FAAH2: variants seen among roughly 807,000 people sequenced by gnomAD.
The protein encoded by FAAH2 is fatty-acid amide hydrolase 2.
Under a neutral mutation model 36.9 loss-of-function variants are expected in FAAH2, and 60 were observed. The ratio of observed to expected loss-of-function variants is 1.63; its 90% CI spans 1.32 to 2.02. The LOEUF (loss-of-function observed/expected upper bound fraction) is 2.02. Among genes scored for constraint, FAAH2 ranks in the 30% most tolerant of loss-of-function variants. The probability of loss-of-function intolerance (pLI) is 0.00; values close to 1 mark genes in which losing one functional copy is unlikely to be tolerated. For synonymous variants in FAAH2, 214 were observed against 143.8 expected (o/e 1.49, Z -3.49); for missense variants, 689 against 397.5 (o/e 1.73, Z -6.23).
chrX:57,456,782 G>T (rs2147203608), intron 10 of FAAH2, among the ~76,000 whole-genome samples: 1 of 111,118 alleles, frequency 9.0e-6, no homozygotes, highest in South Asian at 3.8e-4. Context: ...AACAAGTTCA[G>T]AAATTGAATC....
chrX:57,257,244 T>C, the FAAH2 span, among the ~76,000 whole-genome samples: 1 of 112,265 alleles, frequency 8.9e-6, no homozygotes, highest in African/African-American at 3.2e-5. Context: ...CATGCACATG[T>C]ATTTTTATTG....
chrX:57,137,323 C>A, the FAAH2 span: 69 of 757,705 alleles, frequency 9.1e-5, no homozygotes, highest in East Asian at 1.5e-4. Context: ...CGCTGAGTGA[C>A]TGCTTGCAAG....
chrX:57,488,798 C>T lies in FAAH2; in HGVS notation c.1465C>T (p.Leu489=), dbSNP rs908323122. The T allele has an allele frequency of 5.0e-6, 6 of 1,211,203 alleles. No homozygotes were observed. The Admixed American group carries it at 8.7e-5, about 18-fold the overall frequency. ...GGGTTTGCCTGTGACCCAATGCCCACTGGGACTGAATGCCAAAGGACTCCC... is the reference window on the plus strand; with the variant it reads ...GGGTTTGCCTGTGACCCAATGCCCATTGGGACTGAATGCCAAAGGACTCCC... ...ALGLPVTQCP[L]GLNAKGLPLG... The change falls in exon 11 of 11, where the codon CTG becomes TTG. Residue 489 remains leucine (L), a synonymous_variant. Coordinates refer to ENST00000374900, the MANE Select transcript of FAAH2 (RefSeq NM_174912.4).
At chrX:57,122,719 C>A in the FAAH2 span, among the ~76,000 whole-genome samples, 3 of 111,999 alleles carry the variant, frequency 2.7e-5, no homozygotes, top group African/African-American at 9.7e-5. Flanking sequence ...TTAATGGTAT[C>A]TTTCTTATTC....
chrX:57,258,658 A>G, the FAAH2 span, among the ~76,000 whole-genome samples: 1 of 110,627 alleles, frequency 9.0e-6, no homozygotes, highest in South Asian at 3.8e-4. Flanking sequence ...CCATTCTTCC[A>G]CGGAAAACTT....
At chrX:57,400,144 C>A (rs1476085993) in intron 7 of FAAH2, among the ~76,000 whole-genome samples, 1 of 112,128 alleles carries the variant, frequency 8.9e-6, no homozygotes, top group Non-Finnish European at 1.9e-5. Context: ...CAGCACTGGT[C>A]CTTCAAGTAA....
chrX:57,299,026 C>A (rs927152488), intron 2 of FAAH2, among the ~76,000 whole-genome samples: 6 of 111,485 alleles, frequency 5.4e-5, no homozygotes, highest in Non-Finnish European at 9.4e-5. Flanking sequence ...ACCAGAGGTA[C>A]AAGGAGGAGC....
intron 5 of FAAH2, among the ~76,000 whole-genome samples, chrX:57,357,393 A>G (rs1003688752): frequency 2.7e-5 from 3 of 111,829 alleles, no homozygotes; most frequent in African/African-American, 9.7e-5. Flanking sequence ...CAGAGTGAAC[A>G]GGCAGCCTAT....
the FAAH2 span, among the ~76,000 whole-genome samples, chrX:57,268,479 T>C: frequency 2.7e-5 from 3 of 110,945 alleles, no homozygotes; most frequent in Non-Finnish European, 3.8e-5. Flanking sequence ...AGGATAACAT[T>C]CAAATTCAGG....
chrX:57,331,349 G>A (rs978054682), intron 3 of FAAH2, among the ~76,000 whole-genome samples: 4 of 110,981 alleles, frequency 3.6e-5, no homozygotes, highest in Non-Finnish European at 5.7e-5. Context: ...GCAAGTCCCA[G>A]TGAACAGTAG....
the FAAH2 span, among the ~76,000 whole-genome samples, chrX:57,163,384 TCCACCCAG>T: frequency 8.9e-6 from 1 of 111,938 alleles, no homozygotes; most frequent in South Asian, 3.7e-4. Context: ...TGTGGTGGGC[TCCACCCAG>T]TTCGAGCTTC....
chrX:57,287,532 T>G (rs2051843901), intron 1 of FAAH2, among the ~76,000 whole-genome samples: 1 of 112,296 alleles, frequency 8.9e-6, no homozygotes, highest in Non-Finnish European at 1.9e-5. Context: ...ATACTCTGCC[T>G]GGGTACTTAA....
chrX:57,275,101 T>C, the FAAH2 span, among the ~76,000 whole-genome samples: 12 of 111,893 alleles, frequency 1.1e-4, no homozygotes, highest in African/African-American at 2.9e-4. Context: ...GGCATTCTTA[T>C]ACACCAATAA....
chrX:57,198,453 G>A, the FAAH2 span, among the ~76,000 whole-genome samples: 1 of 111,895 alleles, frequency 8.9e-6, no homozygotes, highest in East Asian at 2.8e-4. Context: ...TTTTATCCAG[G>A]CAGCCAGTGA....
intron 10 of FAAH2, chrX:57,452,289 G>A: frequency 5.3e-6 from 4 of 754,696 alleles, no homozygotes; most frequent in Non-Finnish European, 6.3e-6. Context: ...GCATTAGAGT[G>A]AAACTCAAGA....
intron 10 of FAAH2, among the ~76,000 whole-genome samples, chrX:57,482,627 A>C (rs2057400058): frequency 9.3e-6 from 1 of 107,764 alleles, no homozygotes; most frequent in Non-Finnish European, 1.9e-5. Context: ...AAATTCAGAA[A>C]TCATCCACCT....
chrX:57,169,668 A>G, the FAAH2 span, among the ~76,000 whole-genome samples: 1 of 97,529 alleles, frequency 1.0e-5, no homozygotes, highest in African/African-American at 3.6e-5. Flanking sequence ...TAATCCAATC[A>G]AAAGTTGTAG....
the FAAH2 span, among the ~76,000 whole-genome samples, chrX:57,207,210 C>T: frequency 0.011 from 1,219 of 110,863 alleles, 18 homozygotes; most frequent in African/African-American, 0.039. Flanking sequence ...AACTTGTGCT[C>T]TCCATTGTTG....
At chrX:57,158,774 T>C in the FAAH2 span, among the ~76,000 whole-genome samples, 4 of 111,866 alleles carry the variant, frequency 3.6e-5, no homozygotes, top group Non-Finnish European at 3.8e-5. Flanking sequence ...ATTGCAAAAA[T>C]TTTCTCCCAT....
Sources: allele counts gnomAD v4.1 joint callset (sites outside exome capture counted in the v4.1 genomes callset), GRCh38; gene constraint gnomAD v4.1.1; transcripts MANE v1.5; gene names NCBI Gene and HGNC (gene_info 2026-07-23, HGNC 2026-07-21).